Variants in AKAP12 observed in about 807,000 individuals in gnomAD.
AKAP12 encodes the protein A-kinase anchoring protein 12, also known as A-kinase anchor protein 12.
Under a neutral mutation model 79.9 loss-of-function variants are expected in AKAP12, and 32 were observed. The observed-to-expected ratio is 0.40, with a 90% confidence interval of 0.30 to 0.54. The LOEUF (loss-of-function observed/expected upper bound fraction) is 0.54. Among genes scored for constraint, AKAP12 ranks in the 20% least tolerant of loss-of-function variants. The pLI, the probability that AKAP12 is intolerant of heterozygous loss-of-function variation, is 0.48. For synonymous variants in AKAP12, 808 were observed against 857.0 expected (o/e 0.94, Z 1.00); for missense variants, 2,074 against 2,177.0 (o/e 0.95, Z 0.94).
At chr6:151,318,904 CT>C (rs148268959) in intron 3 of AKAP12, among the ~76,000 whole-genome samples, 3,719 of 152,282 alleles carry the variant, frequency 0.024, 155 homozygotes, top group African/African-American at 0.084. Context: ...ACCATTTACA[CT>C]GTAGCCTGGG....
chr6:151,298,229 G>C (rs557519620), intron 2 of AKAP12, among the ~76,000 whole-genome samples: 1 of 152,250 alleles, frequency 6.6e-6, no homozygotes, highest in African/African-American at 2.4e-5. Context: ...TACCCGCTTT[G>C]TCCTGCCCAG....
intron 3 of AKAP12, among the ~76,000 whole-genome samples, chr6:151,336,608 G>A (rs149480443): frequency 4.6e-5 from 7 of 152,030 alleles, no homozygotes; most frequent in Admixed American, 1.3e-4. Context: ...AGCCAGGCGC[G>A]GTGGCATGTG....
intron 2 of AKAP12, among the ~76,000 whole-genome samples, chr6:151,290,003 C>T (rs1776580384): frequency 6.6e-6 from 1 of 152,114 alleles, no homozygotes; most frequent in Non-Finnish European, 1.5e-5. Flanking sequence ...GATACACTTT[C>T]GTGTTTAGAA....
In AKAP12 at chr6:151,349,937, C is replaced by G; in HGVS notation, c.1546C>G (p.Leu516Val). Residue 516 changes from leucine (L) to valine (V), a missense_variant, in exon 4 of 5, where the codon CTA (leucine) becomes GTA (valine). Physicochemically the swap from Leu to Val is conservative, Grantham distance 32. Coordinates refer to ENST00000402676, the MANE Select transcript of AKAP12 (RefSeq NM_005100.4). ...QERMKVQGSP[L>V]KKLFTSTGLK... ...GAGAATGAAGGTGCAGGGAAGTCCACTAAAGAAGCTTTTTACCAGCACTGG... is the reference window on the plus strand; with the variant it reads ...GAGAATGAAGGTGCAGGGAAGTCCAGTAAAGAAGCTTTTTACCAGCACTGG... 1 of 1,614,036 alleles carries G rather than the reference C, an allele frequency of 6.2e-7. No individual in the cohort carries two copies. The highest frequency in any genetic ancestry group is 8.5e-7 in the Non-Finnish European group (1 of 1,180,024).
intron 2 of AKAP12, among the ~76,000 whole-genome samples, chr6:151,277,969 TG>T (rs1776317902): frequency 2.4e-5 from 2 of 85,058 alleles, no homozygotes; most frequent in African/African-American, 6.8e-5. Context: ...TGTGTGTGTG[TG>T]TGTCTGTCTG....
At position 151,240,504 on chromosome 6, in the gene AKAP12, CCTGCGG is replaced by C. The variant is rs1260119046; in HGVS notation, c.-56_-51del. On this transcript the variant is annotated 5_prime_UTR_variant, in exon 2 of 5. Coordinates refer to ENST00000402676, the MANE Select transcript of AKAP12 (RefSeq NM_005100.4). ...GCGTCTTTTGGCTCTTGCCCCTGTC[CCTGCGG>C]CTTGGGGAAGGCGTAACCCGGCGGC... 6.6e-6 allele frequency: 9 copies of C among 1,370,002 alleles called. No homozygotes were observed. In the East Asian group the frequency reaches 2.5e-4, roughly 38 times the overall value. 84.9% of individuals were successfully genotyped at this position (1,370,002 alleles called of 1,614,324 possible).
In AKAP12 at chr6:151,286,980, C is replaced by T. The variant is rs1440897253; in HGVS notation, c.163-18767C>T. 1.1e-4 allele frequency among the ~76,000 whole-genome samples: 16 copies of T among 151,900 alleles called. No homozygotes were observed. In the East Asian group the frequency reaches 3.1e-3, roughly 29 times the overall value. On this transcript the variant is annotated intron_variant, in intron 2 of 4. Transcript: ENST00000402676. ...TTGAGACGGAGTCTCGCTCTGTTGCCCAGGCTGGAGTGCAGTGGCGTGATC... is the reference window on the plus strand; with the variant it reads ...TTGAGACGGAGTCTCGCTCTGTTGCTCAGGCTGGAGTGCAGTGGCGTGATC...
chr6:151,320,790 A>G (rs529244795), intron 3 of AKAP12, among the ~76,000 whole-genome samples: 7 of 152,272 alleles, frequency 4.6e-5, no homozygotes, highest in Non-Finnish European at 8.8e-5. Flanking sequence ...CCCTGCCTCA[A>G]GCCTCCAATG....
intron 2 of AKAP12, among the ~76,000 whole-genome samples, chr6:151,245,910 T>A (rs1209962199): frequency 6.6e-6 from 1 of 152,170 alleles, no homozygotes; most frequent in Non-Finnish European, 1.5e-5. Context: ...TCTTTTCCAT[T>A]TAAGAAAAAG....
chr6:151,329,920 C>A (rs1490379581), intron 3 of AKAP12, among the ~76,000 whole-genome samples: 1 of 152,314 alleles, frequency 6.6e-6, no homozygotes, highest in East Asian at 1.9e-4. Flanking sequence ...TGTAGAGTAC[C>A]TTGCAAAAGA....
intron 3 of AKAP12, chr6:151,323,657 A>T (rs1400597786): frequency 2.1e-6 from 2 of 968,742 alleles, no homozygotes; most frequent in Non-Finnish European, 2.5e-6. Context: ...ACCTTTGAAA[A>T]TGTTGTTTAG....
chr6:151,253,411 A>G (rs746183674), intron 2 of AKAP12, among the ~76,000 whole-genome samples: 3 of 152,210 alleles, frequency 2.0e-5, no homozygotes, highest in Non-Finnish European at 4.4e-5. Flanking sequence ...TTAAAATAAA[A>G]AGAGACAGGT....
intron 3 of AKAP12, among the ~76,000 whole-genome samples, chr6:151,331,002 C>T (rs895790296): frequency 2.0e-5 from 3 of 152,132 alleles, no homozygotes; most frequent in African/African-American, 4.8e-5. Flanking sequence ...TGCACATACA[C>T]GTTATAGACC....
chr6:151,323,483 T>C (rs2114782510), intron 3 of AKAP12, among the ~76,000 whole-genome samples: 1 of 150,770 alleles, frequency 6.6e-6, no homozygotes. Flanking sequence ...AACCCGGGGG[T>C]CAGAGGTTGC....
At chr6:151,324,740 C>T in intron 3 of AKAP12, 1 of 985,300 alleles carries the variant, frequency 1.0e-6, no homozygotes, top group Non-Finnish European at 1.2e-6. Context: ...AACGGACCCA[C>T]CCTAACAAAA....
rs551232293 is a variant in AKAP12, at chr6:151,305,003, T to A, written c.163-744T>A. 5.3e-5 allele frequency among the ~76,000 whole-genome samples: 8 copies of A among 152,354 alleles called. No homozygotes were observed. In the South Asian group the frequency reaches 1.7e-3, roughly 32 times the overall value. ...AAATGGACATGTTATATGTGTCTTGTTTGCTTGCTGGGCTCTGGGAGCACT... is the reference window on the plus strand; with the variant it reads ...AAATGGACATGTTATATGTGTCTTGATTGCTTGCTGGGCTCTGGGAGCACT... On this transcript the variant is annotated intron_variant, in intron 2 of 4. Transcript: ENST00000402676.
chr6:151,347,259 G>A (rs1027743905), intron 3 of AKAP12, among the ~76,000 whole-genome samples: 8 of 152,226 alleles, frequency 5.3e-5, no homozygotes, highest in Non-Finnish European at 1.0e-4. Context: ...ACCCAGCCTG[G>A]AATTTCTCCA....
At chr6:151,325,111 A>G in intron 3 of AKAP12, 1 of 985,404 alleles carries the variant, frequency 1.0e-6, no homozygotes, top group South Asian at 4.7e-5. Flanking sequence ...AGCCCTTCTC[A>G]AAGAGTTTAG....
chr6:151,322,149 C>A (rs1161875361), intron 3 of AKAP12, among the ~76,000 whole-genome samples: 1 of 152,062 alleles, frequency 6.6e-6, no homozygotes, highest in Non-Finnish European at 1.5e-5. Context: ...ATCTCGTGAT[C>A]TGCCCACCTC....
Sources: gnomAD v4.1 joint callset for allele counts (sites outside exome capture counted in the v4.1 genomes callset) on GRCh38, gnomAD v4.1.1 for gene constraint, MANE v1.5 for transcripts, NCBI Gene and HGNC (gene_info 2026-07-23, HGNC 2026-07-21) for gene names.